The following ABHD2 variants were observed in gnomAD, a reference collection of about 807,000 sequenced individuals.
ABHD2 encodes monoacylglycerol lipase ABHD2.
ABHD2 carries 20 observed loss-of-function variants against 48.1 expected under a neutral mutation model. The ratio of observed to expected loss-of-function variants is 0.42; its 90% CI spans 0.29 to 0.60. The LOEUF is 0.60. Ranked by LOEUF, ABHD2 falls within the 20% of genes least tolerant of loss-of-function variation. The probability of loss-of-function intolerance (pLI) is 0.24; values close to 1 mark genes in which losing one functional copy is unlikely to be tolerated. For missense variants in ABHD2, 405 were observed against 550.9 expected (o/e 0.74, Z 2.65); for synonymous variants, 209 against 214.2 (o/e 0.98, Z 0.21).
Position 89,185,350 on chromosome 15 carries a change from G to A in ABHD2, c.723-74G>A, listed in dbSNP as rs1368506014. On this transcript the variant is annotated intron_variant, in intron 6 of 10. Transcript: ENST00000352732. This position sits in a 1 kb window ranked among gnomAD's most constrained non-coding sequence, Gnocchi z 5.9. ...TCTCCACACAAGCACCTCACCCCAT[G>A]GCTAGAGCCCCCTCCTGGCTGCCCG... 9 of 1,214,392 alleles carry A rather than the reference G, an allele frequency of 7.4e-6. No homozygotes were observed. The highest frequency in any genetic ancestry group is 1.5e-5 in the African/African-American group (1 of 66,394). The allele number at this position is 1,214,392 out of a possible 1,614,324, so 75.2% of individuals were successfully genotyped here.
At chr15:89,131,534 G>C (rs1302498355) in intron 3 of ABHD2, among the ~76,000 whole-genome samples, 2 of 152,140 alleles carry the variant, frequency 1.3e-5, no homozygotes, top group Non-Finnish European at 2.9e-5. Flanking sequence ...TCAGTGGTGT[G>C]TCCAAGAAAA....
chr15:89,154,831 T>C (rs1814004722), intron 4 of ABHD2, among the ~76,000 whole-genome samples: 1 of 152,242 alleles, frequency 6.6e-6, no homozygotes, highest in South Asian at 2.1e-4. Context: ...GAATATGTAT[T>C]GCATGATTGA....
At chr15:89,127,704 T>C (rs200480800) in intron 3 of ABHD2, among the ~76,000 whole-genome samples, 5 of 93,032 alleles carry the variant, frequency 5.4e-5, no homozygotes, top group African/African-American at 1.2e-4. Context: ...TATATATATA[T>C]ACATATATAT....
intron 10 of ABHD2, among the ~76,000 whole-genome samples, chr15:89,194,608 C>T (rs1596169822): frequency 6.6e-6 from 1 of 152,150 alleles, no homozygotes; most frequent in Non-Finnish European, 1.5e-5. Flanking sequence ...ATTGAATTCT[C>T]CTCGTTCTCT....
the ABHD2 span, among the ~76,000 whole-genome samples, chr15:89,045,973 C>G: frequency 6.6e-6 from 1 of 152,196 alleles, no homozygotes; most frequent in Admixed American, 6.5e-5. Context: ...CTGTCTTGTG[C>G]CAGTTTTCAA....
At chr15:89,192,075 T>C (rs954973630) in intron 9 of ABHD2, among the ~76,000 whole-genome samples, 5 of 152,248 alleles carry the variant, frequency 3.3e-5, no homozygotes, top group African/African-American at 1.2e-4. Flanking sequence ...TCTCATTCTG[T>C]CTTTGCACAA....
chr15:89,111,427 A>T (rs2049873092), intron 1 of ABHD2, among the ~76,000 whole-genome samples: 1 of 152,244 alleles, frequency 6.6e-6, no homozygotes, highest in Non-Finnish European at 1.5e-5. Flanking sequence ...AAGTCCTGAG[A>T]TAGGCAGTCT....
the ABHD2 span, among the ~76,000 whole-genome samples, chr15:89,045,552 T>G: frequency 6.6e-6 from 1 of 152,244 alleles, no homozygotes; most frequent in African/African-American, 2.4e-5. Flanking sequence ...TTCTTCCATT[T>G]GTTTGTATCC....
intron 6 of ABHD2, chr15:89,183,380 AAAAAATATATATATATATAT>A (rs1178293461): frequency 1.7e-5 from 1 of 58,412 alleles, no homozygotes; most frequent in Non-Finnish European, 3.3e-5. Context: ...AAAAAAAAAA[AAAAAATATATATATATATAT>A]ATATATATAT....
At chr15:89,069,916 G>A in the ABHD2 span, among the ~76,000 whole-genome samples, 1 of 152,056 alleles carries the variant, frequency 6.6e-6, no homozygotes, top group Non-Finnish European at 1.5e-5. Flanking sequence ...CTGGCCTCAA[G>A]TGATCCACCT....
the ABHD2 span, among the ~76,000 whole-genome samples, chr15:89,071,737 A>G: frequency 6.6e-6 from 1 of 152,194 alleles, no homozygotes; most frequent in Non-Finnish European, 1.5e-5. Flanking sequence ...CAGAGCACAC[A>G]CTCAGGTGCG....
intron 5 of ABHD2, among the ~76,000 whole-genome samples, chr15:89,158,162 C>A (rs1434993895): frequency 6.6e-6 from 1 of 152,104 alleles, no homozygotes; most frequent in African/African-American, 2.4e-5. Context: ...GTACTGATGT[C>A]ACATGTAGGC....
At chr15:89,076,506 C>G in the ABHD2 span, among the ~76,000 whole-genome samples, 4 of 152,266 alleles carry the variant, frequency 2.6e-5, no homozygotes, top group African/African-American at 7.2e-5. Flanking sequence ...CTTTTTGAGA[C>G]AGGATCTTGC....
At position 89,200,359 on chromosome 15, in the gene ABHD2, C is replaced by CCAGGCA. The variant is rs1269675325; in HGVS notation, c.*4945_*4950dup. On this transcript the variant is annotated 3_prime_UTR_variant, in exon 11 of 11. Coordinates refer to ENST00000352732, the MANE Select transcript of ABHD2 (RefSeq NM_152924.5). ...CCTCACTTCCTAGACAGTGCGGCAG[C>CCAGGCA]CAGGCACAGGCACACCTCACTTCCC... 6.6e-6 allele frequency: 1 copy of CCAGGCA among 151,700 alleles called. No homozygotes were observed. Among genetic ancestry groups the CCAGGCA allele is most frequent in the African/African-American group, 2.4e-5 (1 of 41,196 alleles). 9.4% of individuals were successfully genotyped at this position (151,700 alleles called of 1,614,324 possible).
rs1424036871 is a variant in ABHD2, at chr15:89,186,989, G to T, written c.816-1204G>T. ...GTCCCCTGTGCTGGCTGGAAAATCAGCTGTTCCCACTTGGCTCATGTTGTT... is the reference window on the plus strand; with the variant it reads ...GTCCCCTGTGCTGGCTGGAAAATCATCTGTTCCCACTTGGCTCATGTTGTT... On this transcript the variant is annotated intron_variant, in intron 7 of 10. Coordinates refer to ENST00000352732, the MANE Select transcript of ABHD2 (RefSeq NM_152924.5). This position sits in a 1 kb window ranked among gnomAD's most constrained non-coding sequence, Gnocchi z 4.3. Among the ~76,000 whole-genome samples the T allele has an allele frequency of 6.6e-6, 1 of 152,226 alleles. No individual in the cohort carries two copies. The highest frequency in any genetic ancestry group is 1.5e-5 in the Non-Finnish European group (1 of 68,030).
intron 3 of ABHD2, among the ~76,000 whole-genome samples, chr15:89,130,015 T>C (rs2050194449): frequency 1.3e-5 from 2 of 152,154 alleles, no homozygotes; most frequent in Admixed American, 6.6e-5. Context: ...TGTGCCTAGA[T>C]AAATTCCACA....
chr15:89,085,420 G>A (rs1016443195), upstream of ABHD2, among the ~76,000 whole-genome samples: 2 of 151,994 alleles, frequency 1.3e-5, no homozygotes, highest in Non-Finnish European at 2.9e-5. The surrounding 1 kb of genome is among the most constrained non-coding windows in gnomAD (Gnocchi z 4.2). Context: ...GAAATAATAT[G>A]ATTAAACAGA....
chr15:89,072,973 C>G, the ABHD2 span, among the ~76,000 whole-genome samples: 1 of 144,886 alleles, frequency 6.9e-6, no homozygotes, highest in Admixed American at 6.9e-5. Context: ...CCTGTTTTCA[C>G]TACTTAAAAT....
intron 3 of ABHD2, among the ~76,000 whole-genome samples, chr15:89,145,572 A>G (rs1229531174): frequency 6.6e-6 from 1 of 152,224 alleles, no homozygotes; most frequent in Non-Finnish European, 1.5e-5. Flanking sequence ...AGACAAGCCC[A>G]GCTCAAAACC....
Sources: gnomAD v4.1 joint callset for allele counts (sites outside exome capture counted in the v4.1 genomes callset) on GRCh38, gnomAD v4.1.1 for gene constraint, Gnocchi (gnomAD v3.1) non-coding constraint, MANE v1.5 for transcripts, NCBI Gene and HGNC (gene_info 2026-07-23, HGNC 2026-07-21) for gene names.